The following DSC3 variants were observed in gnomAD, a reference collection of about 807,000 sequenced individuals.
DSC3 encodes desmocollin 3, also known as desmocollin-3.
DSC3 carries 97 observed loss-of-function variants against 89.5 expected under a neutral mutation model. The observed-to-expected ratio is 1.08, with a 90% confidence interval of 0.92 to 1.28. DSC3 has a LOEUF of 1.28. DSC3 is among the 50% of genes most tolerant of loss of function. DSC3 has a pLI of 0.00. For missense variants in DSC3, 1,199 were observed against 1,085.3 expected (o/e 1.10, Z -1.47); for synonymous variants, 436 against 384.1 (o/e 1.14, Z -1.58).
intron 9 of DSC3, among the ~76,000 whole-genome samples, chr18:31,017,019 G>C (rs1411952263): frequency 1.3e-5 from 2 of 151,982 alleles, no homozygotes; most frequent in Non-Finnish European, 2.9e-5. Flanking sequence ...AGATTGATTT[G>C]GACTAATAAA....
Position 31,008,387 on chromosome 18 carries a change from C to G in DSC3, c.1402G>C (p.Gly468Arg). Residue 468 changes from glycine (G) to arginine (R), a missense_variant, in exon 10 of 16, where the codon GGG becomes CGG. Transcript: ENST00000360428. ...TGGGCTGCAGGAGTGCATTCAGGCC[C>G]CTCATCCAGATCCCTCACATGAACT... ...VTVHVRDLDE[G>R]PECTPAAQYV... The G allele has an allele frequency of 6.2e-7, 1 of 1,614,112 alleles. No individual in the cohort carries two copies. The highest frequency in any genetic ancestry group is 1.1e-5 in the South Asian group (1 of 91,088).
rs553953258 is a variant in DSC3 at position 30,996,004 on chromosome 18, A to G, written c.2493+787T>C. 4.7e-4 allele frequency among the ~76,000 whole-genome samples: 67 copies of G among 143,738 alleles called. 1 individual carries two copies. The highest frequency in any genetic ancestry group is 1.9e-3 in the African/African-American group (66 of 35,490). 94.3% of individuals were successfully genotyped at this position (143,738 alleles called of 152,430 possible). A position where few individuals can be genotyped will look rare whatever the true frequency, so the allele number is the denominator to read the frequency against. On this transcript the variant is annotated intron_variant, in intron 15 of 15. Transcript: ENST00000360428. The stretch of plus-strand genomic sequence containing the variant: ...AAAAAAAAAAAAAAAAAAAAAGAAA[A>G]GAAAGAAAAAAGCTTCTGCTTCATA...
chr18:31,000,201 T>A (rs1984606199), intron 14 of DSC3, among the ~76,000 whole-genome samples: 1 of 152,176 alleles, frequency 6.6e-6, no homozygotes, highest in Admixed American at 6.5e-5. Context: ...GCTGGATATG[T>A]AGTCGTTGTC....
intron 2 of DSC3, 23 bp from the exon 3 acceptor site, chr18:31,031,195 T>A (rs757271488): frequency 1.3e-6 from 2 of 1,573,190 alleles, no homozygotes; most frequent in Non-Finnish European, 1.7e-6. Flanking sequence ...ATTTCCAAGT[T>A]GTAAGGTAAA....
chr18:31,016,153 C>T (rs892238691), intron 9 of DSC3, among the ~76,000 whole-genome samples: 1 of 152,130 alleles, frequency 6.6e-6, no homozygotes, highest in Non-Finnish European at 1.5e-5. Flanking sequence ...CCAGAAAATG[C>T]ATGAATAACC....
intron 9 of DSC3, 50 bp downstream of exon 9, chr18:31,018,021 G>A (rs780815250): frequency 2.0e-6 from 3 of 1,472,824 alleles, no homozygotes; most frequent in Non-Finnish European, 2.8e-6. Context: ...AAATTATTAG[G>A]TAACTAAAAC....
rs1280846435 is a variant in DSC3, at chr18:31,037,756, C to T, written c.69+4836G>A. On this transcript the variant is annotated intron_variant, in intron 1 of 15. Coordinates refer to ENST00000360428, the MANE Select transcript of DSC3 (RefSeq NM_001941.5). ...CTCTACTAAAAATACAAAAATTAGC[C>T]GGCTGTGGTGGCACAAGCCTGTAAT... is the stretch of plus-strand genomic sequence containing the variant. 8.6e-5 allele frequency among the ~76,000 whole-genome samples: 13 copies of T among 152,008 alleles called. 1 individual carries two copies. Among genetic ancestry groups the T allele is most frequent in the East Asian group, 3.9e-4 (2 of 5,172 alleles).
chr18:31,014,133 A>G (rs1567955001), intron 9 of DSC3, among the ~76,000 whole-genome samples: 1 of 152,064 alleles, frequency 6.6e-6, no homozygotes, highest in South Asian at 2.1e-4. Flanking sequence ...TTGAATGAAG[A>G]AAAGCACAGA....
At position 31,039,449 on chromosome 18, in the gene DSC3, A is replaced by T. The variant is rs558480857; in HGVS notation, c.69+3143T>A. The stretch of plus-strand genomic sequence containing the variant: ...ATGTGAAGAGGATCTTCTGGATTAA[A>T]CACAATAATTACAGAATTTTAAACT... On this transcript the variant is annotated intron_variant, in intron 1 of 15. Coordinates refer to ENST00000360428, the MANE Select transcript of DSC3 (RefSeq NM_001941.5). 1.4e-4 allele frequency among the ~76,000 whole-genome samples: 21 copies of T among 152,272 alleles called. No individual in the cohort carries two copies. In the East Asian group the frequency reaches 4.1e-3, roughly 29 times the overall value.
intron 1 of DSC3, among the ~76,000 whole-genome samples, chr18:31,035,376 A>G (rs1170132799): frequency 6.6e-6 from 1 of 152,096 alleles, no homozygotes; most frequent in African/African-American, 2.4e-5. Context: ...TAGATATAAT[A>G]AGCCAAGAAA....
intron 9 of DSC3, among the ~76,000 whole-genome samples, chr18:31,016,296 A>G (rs1452241333): frequency 1.3e-5 from 2 of 152,164 alleles, no homozygotes; most frequent in African/African-American, 4.8e-5. Context: ...TGTTGCTCTA[A>G]TAAGCTTGCT....
At chr18:31,041,692 G>C (rs1161449256) in intron 1 of DSC3, among the ~76,000 whole-genome samples, 1 of 152,224 alleles carries the variant, frequency 6.6e-6, no homozygotes, top group African/African-American at 2.4e-5. Context: ...CGCCGCCAGA[G>C]TTCCGAACAC....
rs1278252218 is a variant in DSC3, at chr18:31,042,663, G to A, written c.-3C>T. ...CGCCGGGGCCCAGCGGCGGCCATCG[G>A]GATGCCGGGCAGGGCCAGGAGAACG... is the stretch of plus-strand genomic sequence containing the variant. On this transcript the variant is annotated 5_prime_UTR_variant, in exon 1 of 16. Transcript: ENST00000360428. 2.1e-5 allele frequency: 32 copies of A among 1,548,964 alleles called. No individual in the cohort carries two copies. The highest frequency in any genetic ancestry group is 2.7e-5 in the Non-Finnish European group (31 of 1,146,192).
intron 1 of DSC3, among the ~76,000 whole-genome samples, chr18:31,037,994 T>TTTTTCTCTGTTGATACA (rs750754287): frequency 1.2e-4 from 18 of 152,294 alleles, no homozygotes; most frequent in African/African-American, 3.6e-4. Flanking sequence ...AAATAATCAG[T>TTTTTCTCTGTTGATACA]TTTTCTCTGT....
chr18:31,020,472 G>T (rs769427577), intron 7 of DSC3, among the ~76,000 whole-genome samples: 48 of 152,206 alleles, frequency 3.2e-4, no homozygotes, highest in Non-Finnish European at 5.6e-4. Context: ...TTTGCAGATG[G>T]TGTGGTGATG....
At chr18:31,000,244 T>G (rs912623522) in intron 14 of DSC3, among the ~76,000 whole-genome samples, 1 of 152,194 alleles carries the variant, frequency 6.6e-6, no homozygotes, top group African/African-American at 2.4e-5. Flanking sequence ...TTGACTCTGC[T>G]TTTTACTTTG....
chr18:30,995,286 C>T (rs1188624793), intron 15 of DSC3, among the ~76,000 whole-genome samples: 2 of 152,190 alleles, frequency 1.3e-5, no homozygotes, highest in Non-Finnish European at 2.9e-5. Context: ...GAGGAACCCT[C>T]CTAAGACTAT....
In DSC3 at chr18:31,022,446, T is replaced by C. The variant is rs1231978232; in HGVS notation, c.832A>G (p.Thr278Ala). The change falls in exon 7 of 16, where the codon ACG becomes GCG. Residue 278 changes from threonine to alanine, a missense_variant. Thr to Ala is a moderately conservative substitution (Grantham distance 58, BLOSUM62 0). Coordinates refer to ENST00000360428, the MANE Select transcript of DSC3 (RefSeq NM_001941.5). ...TDRDEPDTMH[T>A]RLKYSILQQT... ...TGCAAAATGCTGTATTTCAGGCGCG[T>C]ATGCATTGTGTCCGGTTCATCTCTG... 6.2e-7 allele frequency: 1 copy of C among 1,614,042 alleles called. No individual in the cohort carries two copies.
chr18:31,001,089 G>GTGTGTATA lies in DSC3; in HGVS notation c.2235+528_2235+529insTATACACA, dbSNP rs141615987. Among the ~76,000 whole-genome samples the GTGTGTATA allele has an allele frequency of 2.4e-3, 303 of 126,034 alleles. 2 individuals carry two copies. The highest frequency in any genetic ancestry group is 8.1e-3 in the African/African-American group (278 of 34,306). The allele number at this position is 126,034 out of a possible 152,430, so 82.7% of individuals were successfully genotyped here. A position where few individuals can be genotyped will look rare whatever the true frequency, so the allele number is the denominator to read the frequency against. ...GTGTTTATATATACTTTGTGTGTGT[G>GTGTGTATA]TATATATATATATATATATATATAC... is the stretch of plus-strand genomic sequence containing the variant. On this transcript the variant is annotated intron_variant, in intron 14 of 15. Transcript: ENST00000360428.
Sources: allele counts gnomAD v4.1 joint callset (sites outside exome capture counted in the v4.1 genomes callset), GRCh38; gene constraint gnomAD v4.1.1; transcripts MANE v1.5; gene names NCBI Gene and HGNC (gene_info 2026-07-23, HGNC 2026-07-21).